JAK2: variants seen among roughly 807,000 people sequenced by gnomAD.
The protein encoded by JAK2 is Janus kinase 2.
JAK2 carries 86 observed loss-of-function variants against 139.3 expected under a neutral mutation model. That is an observed-to-expected ratio of 0.62 (90% CI 0.52 to 0.74). The LOEUF (loss-of-function observed/expected upper bound fraction) is 0.74. Ranked by LOEUF, JAK2 falls within the 30% of genes least tolerant of loss-of-function variation. The probability of loss-of-function intolerance (pLI) is 0.00; values close to 1 mark genes in which losing one functional copy is unlikely to be tolerated. For synonymous variants in JAK2, 490 were observed against 437.7 expected, an observed-to-expected ratio of 1.12 and a Z score of -1.49; for missense variants, 1,421 against 1,360.3, an observed-to-expected ratio of 1.04 and a Z score of -0.70.
intron 2 of JAK2, among the ~76,000 whole-genome samples, chr9:5,000,219 C>A (rs1261343146): frequency 1.3e-5 from 2 of 151,126 alleles, no homozygotes; most frequent in Non-Finnish European, 2.9e-5. Flanking sequence ...TCTTTTATTT[C>A]CTCTATCATT....
chr9:5,099,789 C>G (rs942126225), intron 22 of JAK2: 10 of 152,204 alleles, frequency 6.6e-5, no homozygotes, highest in African/African-American at 9.7e-5. Context: ...TAATTATCTT[C>G]ACTGCCTCAA....
chr9:5,002,636 T>G (rs1820994065), intron 2 of JAK2, among the ~76,000 whole-genome samples: 1 of 151,944 alleles, frequency 6.6e-6, no homozygotes, highest in Non-Finnish European at 1.5e-5. Context: ...TAAATGTCAG[T>G]TATATTTAGT....
intron 22 of JAK2, chr9:5,110,021 A>G (rs1822318110): frequency 6.6e-6 from 1 of 152,224 alleles, no homozygotes; most frequent in African/African-American, 2.4e-5. Flanking sequence ...TTTTAGTTAT[A>G]GCATGGTTCC....
At chr9:5,033,787 C>G (rs141604979) in intron 4 of JAK2, among the ~76,000 whole-genome samples, 1 of 152,068 alleles carries the variant, frequency 6.6e-6, no homozygotes, top group Non-Finnish European at 1.5e-5. Flanking sequence ...TGCAAAAACA[C>G]GCCAAATTGT....
intron 22 of JAK2, among the ~76,000 whole-genome samples, chr9:5,117,552 T>C (rs927919086): frequency 5.3e-5 from 8 of 152,212 alleles, no homozygotes; most frequent in Non-Finnish European, 1.0e-4. Context: ...TAACCAAACA[T>C]TGAAGAGACT....
rs542203382 is a variant in JAK2, at chr9:5,043,970, G to T, written c.351-433G>T. On this transcript the variant is annotated intron_variant, in intron 4 of 24. Coordinates refer to ENST00000381652, the MANE Select transcript of JAK2 (RefSeq NM_004972.4). ...GTATGTGAATTATATCTCAATAAAGGTGTTACTAAAAGACAATATAGAGTG... is the reference window on the plus strand; with the variant it reads ...GTATGTGAATTATATCTCAATAAAGTTGTTACTAAAAGACAATATAGAGTG... Among the ~76,000 whole-genome samples the T allele has an allele frequency of 3.7e-4, 56 of 152,278 alleles. 1 individual carries two copies. The South Asian group carries it at 0.011, about 30-fold the overall frequency.
chr9:5,059,354 T>A (rs746325456), intron 8 of JAK2, among the ~76,000 whole-genome samples: 10 of 152,192 alleles, frequency 6.6e-5, no homozygotes, highest in Non-Finnish European at 1.2e-4. Flanking sequence ...TTTTAGTTAG[T>A]ATAATGTTTG....
intron 19 of JAK2, among the ~76,000 whole-genome samples, chr9:5,087,678 G>A (rs1820239336): frequency 6.6e-6 from 1 of 152,206 alleles, no homozygotes; most frequent in Admixed American, 6.5e-5. Flanking sequence ...GCAGGGATGT[G>A]ATAAAATATA....
At chr9:5,050,512 C>G (rs1265767563) in intron 5 of JAK2, among the ~76,000 whole-genome samples, 174 bp from the exon 6 acceptor site, 1 of 152,192 alleles carries the variant, frequency 6.6e-6, no homozygotes, top group African/African-American at 2.4e-5. Flanking sequence ...CTCAAGTGAT[C>G]TTCATGCCTT....
At position 5,077,600 on chromosome 9, in the gene JAK2, T is replaced by C; in HGVS notation, c.1992+20T>C. 2 of 1,417,262 alleles carry C rather than the reference T, an allele frequency of 1.4e-6. No homozygotes were observed. Among genetic ancestry groups the C allele is most frequent in the Non-Finnish European group, 1.9e-6 (2 of 1,069,206 alleles). 87.8% of individuals were successfully genotyped at this position (1,417,262 alleles called of 1,614,324 possible). ...TTTCTAGTAAGTAGTACAACCTTTT[T>C]ATCAAAAGATACTATTTTATTTTAT... On this transcript the variant is annotated intron_variant, in intron 15 of 24. Coordinates refer to ENST00000381652, the MANE Select transcript of JAK2 (RefSeq NM_004972.4).
At position 5,077,488 on chromosome 9, in the gene JAK2, CT is replaced by C. The variant is rs1819381356; in HGVS notation, c.1901del (p.Leu634GlnfsTer5). The stretch of plus-strand genomic sequence containing the variant: ...TCAGGAGTTTGTAAAATTTGGATCA[CT>C]AGATACATATCTGAAAAAGAATAAA... ...LVQEFVKFGS[L>X]DTYLKKNKNC... is the part of the protein sequence containing the mutation. On this transcript the variant is annotated frameshift_variant, in exon 15 of 25. Transcript: ENST00000381652. LOFTEE classifies it high-confidence loss of function. The C allele has an allele frequency of 7.3e-7, 1 of 1,363,656 alleles. No individual in the cohort carries two copies. Among genetic ancestry groups the C allele is most frequent in the Admixed American group, 2.4e-5 (1 of 41,406 alleles). 84.5% of individuals were successfully genotyped at this position (1,363,656 alleles called of 1,614,324 possible). A position where few individuals can be genotyped will look rare whatever the true frequency, so the allele number is the denominator to read the frequency against.
chr9:5,111,380 TGGCGGACAGA>T (rs150318556), intron 22 of JAK2: 16,982 of 402,982 alleles, frequency 0.042, 2,028 homozygotes, highest in African/African-American at 0.29. Context: ...CCAGCAGCTC[TGGCGGACAGA>T]GGCGGACAGC....
At chr9:5,085,598 C>A in intron 19 of JAK2, 1 of 696,596 alleles carries the variant, frequency 1.4e-6, no homozygotes, top group Non-Finnish European at 2.7e-6. Flanking sequence ...ATAGATACTA[C>A]AGAAAGAATT....
chr9:5,005,980 C>G (rs1563920701), intron 2 of JAK2, among the ~76,000 whole-genome samples: 1 of 152,120 alleles, frequency 6.6e-6, no homozygotes, highest in Non-Finnish European at 1.5e-5. Flanking sequence ...GATGCAGGCT[C>G]TTTTTTGGTT....
At chr9:5,069,733 A>G (rs913104334) in intron 11 of JAK2, among the ~76,000 whole-genome samples, 192 bp from the exon 12 acceptor site, 1 of 152,186 alleles carries the variant, frequency 6.6e-6, no homozygotes, top group African/African-American at 2.4e-5. Context: ...TTTTGAATGT[A>G]TGAAGTAACT....
chr9:5,032,416 A>G (rs7028574), intron 4 of JAK2, among the ~76,000 whole-genome samples: 1,625 of 152,322 alleles, frequency 0.011, 30 homozygotes, highest in African/African-American at 0.038. Flanking sequence ...CCCAGAATGC[A>G]GCTGGAGATC....
At chr9:5,111,462 A>C (rs1822528934) in intron 22 of JAK2, 1 of 388,404 alleles carries the variant, frequency 2.6e-6, no homozygotes, top group South Asian at 2.0e-5. Context: ...TCCTCGGCGT[A>C]CCTGCCCAGC....
chr9:5,039,500 A>T (rs1586682851), intron 4 of JAK2, among the ~76,000 whole-genome samples: 1 of 152,128 alleles, frequency 6.6e-6, no homozygotes, highest in Non-Finnish European at 1.5e-5. Context: ...AGATTTTGGT[A>T]TGTGTGGGAG....
At chr9:5,125,528 AAAGTAT>A (rs1360575399) in intron 23 of JAK2, among the ~76,000 whole-genome samples, 2 of 151,528 alleles carry the variant, frequency 1.3e-5, no homozygotes, top group Non-Finnish European at 3.0e-5. Context: ...TCTTAGAATA[AAAGTAT>A]AAGTAAAAGT....
Sources: gnomAD v4.1 joint callset for allele counts (sites outside exome capture counted in the v4.1 genomes callset) on GRCh38, gnomAD v4.1.1 for gene constraint, MANE v1.5 for transcripts, NCBI Gene and HGNC (gene_info 2026-07-23, HGNC 2026-07-21) for gene names.